DOCK4: variants seen among roughly 807,000 people sequenced by gnomAD.
DOCK4 encodes the protein dedicator of cytokinesis protein 4.
Under a neutral mutation model 268.1 loss-of-function variants are expected in DOCK4, and 97 were observed. That is an observed-to-expected ratio of 0.36 (90% CI 0.31 to 0.43). The LOEUF (loss-of-function observed/expected upper bound fraction) is 0.43. Ranked by LOEUF, DOCK4 falls within the 20% of genes least tolerant of loss-of-function variation. The pLI is 1.00. For missense variants in DOCK4, 2,145 were observed against 2,455.7 expected, an observed-to-expected ratio of 0.87 and a Z score of 2.67; for synonymous variants, 954 against 887.2, an observed-to-expected ratio of 1.08 and a Z score of -1.34.
At chr7:111,741,783 T>C in intron 45 of DOCK4, 122 bp from the exon 46 acceptor site, 1 of 1,334,274 alleles carries the variant, frequency 7.5e-7, no homozygotes, top group Non-Finnish European at 1.0e-6. Context: ...TAGGGAGCTA[T>C]TAAAGCAAGT....
chr7:111,902,231 A>G (rs1168576406), intron 13 of DOCK4, among the ~76,000 whole-genome samples: 3 of 152,234 alleles, frequency 2.0e-5, no homozygotes, highest in Admixed American at 6.5e-5. Context: ...TAGGACTGTA[A>G]AGGGTACAAT....
intron 16 of DOCK4, among the ~76,000 whole-genome samples, chr7:111,886,609 G>A (rs1288414245): frequency 6.6e-6 from 1 of 151,792 alleles, no homozygotes; most frequent in Admixed American, 6.6e-5. Context: ...AGGCAAGGGA[G>A]GAAAAGTCAA....
chr7:112,072,333 C>T (rs973975130), intron 1 of DOCK4, among the ~76,000 whole-genome samples: 18 of 152,156 alleles, frequency 1.2e-4, no homozygotes, highest in African/African-American at 3.9e-4. Context: ...CTTTACTAAA[C>T]TACACAAGAC....
intron 1 of DOCK4, among the ~76,000 whole-genome samples, chr7:112,159,821 T>C (rs557264327): frequency 6.7e-6 from 1 of 148,742 alleles, no homozygotes; most frequent in Non-Finnish European, 1.5e-5. Context: ...TAATAATACA[T>C]AATATTATGT....
chr7:111,741,295 A>G, intron 46 of DOCK4, 81 bp from the exon 47 acceptor site: 1 of 1,554,310 alleles, frequency 6.4e-7, no homozygotes, highest in Non-Finnish European at 8.7e-7. Flanking sequence ...ATGAAACCAA[A>G]GGGGGGAAAA....
intron 12 of DOCK4, among the ~76,000 whole-genome samples, chr7:111,933,346 G>A (rs558011074): frequency 7.0e-6 from 1 of 142,886 alleles, no homozygotes; most frequent in East Asian, 2.1e-4. Flanking sequence ...CCAGGCTGGA[G>A]TGCAGTGGTG....
intron 1 of DOCK4, among the ~76,000 whole-genome samples, chr7:112,104,726 C>T (rs980187227): frequency 3.3e-5 from 5 of 151,806 alleles, no homozygotes; most frequent in African/African-American, 4.8e-5. Flanking sequence ...ATATAAAAAG[C>T]GTAAGGAAGA....
intron 16 of DOCK4, among the ~76,000 whole-genome samples, chr7:111,878,814 G>A (rs1807134263): frequency 6.6e-6 from 1 of 152,172 alleles, no homozygotes; most frequent in Non-Finnish European, 1.5e-5. Flanking sequence ...CTCAGCAGCT[G>A]GAACTTGAGT....
chr7:112,131,390 C>T (rs1433630025), intron 1 of DOCK4, among the ~76,000 whole-genome samples: 2 of 152,132 alleles, frequency 1.3e-5, no homozygotes, highest in Non-Finnish European at 2.9e-5. Context: ...CAGGGTAGAT[C>T]CTTCACCCGT....
chr7:111,814,853 T>C (rs978496716), intron 27 of DOCK4, among the ~76,000 whole-genome samples: 5 of 152,068 alleles, frequency 3.3e-5, no homozygotes, highest in Admixed American at 2.0e-4. Flanking sequence ...TTCGAAAACA[T>C]TGAGACCTGA....
intron 16 of DOCK4, among the ~76,000 whole-genome samples, chr7:111,880,449 C>T (rs1319438259): frequency 2.0e-5 from 3 of 152,100 alleles, no homozygotes; most frequent in South Asian, 4.1e-4. Flanking sequence ...TCAAGAAATG[C>T]TAAAGGGAGC....
At chr7:111,805,371 A>G (rs190771868) in intron 30 of DOCK4, among the ~76,000 whole-genome samples, 143 of 152,366 alleles carry the variant, frequency 9.4e-4, no homozygotes, top group African/African-American at 3.1e-3. Flanking sequence ...TTACTAATTC[A>G]GAACAAAGGT....
intron 13 of DOCK4, among the ~76,000 whole-genome samples, chr7:111,911,928 T>C (rs1215240235): frequency 6.6e-6 from 1 of 152,170 alleles, no homozygotes; most frequent in Non-Finnish European, 1.5e-5. Context: ...AATGGACAGT[T>C]GCAAGGGCCA....
chr7:112,167,749 AC>A (rs1817725765), intron 1 of DOCK4, among the ~76,000 whole-genome samples: 1 of 152,214 alleles, frequency 6.6e-6, no homozygotes, highest in Non-Finnish European at 1.5e-5. Context: ...ATTAATCAGT[AC>A]ATGCCTTGAT....
In DOCK4 at chr7:111,983,852, G is replaced by GCA. The variant is rs1271174357; in HGVS notation, c.549+453_549+454insTG. 3.2e-3 allele frequency among the ~76,000 whole-genome samples: 256 copies of GCA among 79,648 alleles called. 5 individuals carry two copies. The South Asian group carries it at 0.065, about 20-fold the overall frequency. 52.3% of individuals were successfully genotyped at this position (79,648 alleles called of 152,430 possible). On this transcript the variant is annotated intron_variant, in intron 7 of 52. Coordinates refer to ENST00000428084, the MANE Select transcript of DOCK4 (RefSeq NM_001363540.2). ...TATGTATGTACACACACACGCGCGC[G>GCA]CGCGCGCGCGCACACACACACACAC...
intron 1 of DOCK4, among the ~76,000 whole-genome samples, chr7:112,192,834 A>G (rs1820094786): frequency 6.6e-6 from 1 of 152,092 alleles, no homozygotes; most frequent in African/African-American, 2.4e-5. Context: ...TTCTACCAAC[A>G]TGTCGTAAAA....
At chr7:112,128,927 A>G (rs545582631) in intron 1 of DOCK4, among the ~76,000 whole-genome samples, 1 of 152,330 alleles carries the variant, frequency 6.6e-6, no homozygotes, top group African/African-American at 2.4e-5. Context: ...ATTAAAAAAA[A>G]CTGATCCCTC....
chr7:111,982,931 T>C (rs1056511268), intron 7 of DOCK4, among the ~76,000 whole-genome samples: 1 of 152,210 alleles, frequency 6.6e-6, no homozygotes, highest in African/African-American at 2.4e-5. Flanking sequence ...ATTATATTTG[T>C]TATGTAAGCT....
At chr7:112,145,879 A>C (rs1380593049) in intron 1 of DOCK4, among the ~76,000 whole-genome samples, 2 of 152,162 alleles carry the variant, frequency 1.3e-5, no homozygotes, top group Non-Finnish European at 2.9e-5. Flanking sequence ...AAGTATGTAA[A>C]AATATATTTA....
Sources: allele counts gnomAD v4.1 joint callset (sites outside exome capture counted in the v4.1 genomes callset), GRCh38; gene constraint gnomAD v4.1.1; transcripts MANE v1.5; gene names NCBI Gene and HGNC (gene_info 2026-07-23, HGNC 2026-07-21).